TCP11L2: variants seen among roughly 807,000 people sequenced by gnomAD.
TCP11L2 encodes T-complex protein 11-like protein 2.
Under a neutral mutation model 50.7 loss-of-function variants are expected in TCP11L2, and 39 were observed. The ratio of observed to expected loss-of-function variants is 0.77; its 90% CI spans 0.60 to 1.01. The LOEUF is 1.01. Ranked by LOEUF, TCP11L2 falls within the 50% of genes least tolerant of loss-of-function variation. The pLI is 0.00. For synonymous variants in TCP11L2, 192 were observed against 219.3 expected, an observed-to-expected ratio of 0.88 and a Z score of 1.10; for missense variants, 612 against 614.7, an observed-to-expected ratio of 1.00 and a Z score of 0.05.
At chr12:106,299,207 A>G (rs2034380054), upstream of TCP11L2, among the ~76,000 whole-genome samples, 1 of 152,222 alleles carries the variant, frequency 6.6e-6, no homozygotes, top group Non-Finnish European at 1.5e-5. Flanking sequence ...CCATGAGGTC[A>G]AAGTGCAGTG....
intron 1 of TCP11L2, among the ~76,000 whole-genome samples, chr12:106,304,789 A>G (rs1297374384): frequency 1.3e-5 from 2 of 152,382 alleles, no homozygotes; most frequent in East Asian, 3.8e-4. Context: ...GACTGTAAGC[A>G]GTTAACCTTT....
intron 6 of TCP11L2, 44 bp downstream of exon 6, chr12:106,323,690 A>G (rs761267454): frequency 1.8e-6 from 2 of 1,086,550 alleles, no homozygotes; most frequent in Middle Eastern, 2.2e-4. Flanking sequence ...TTAGGTTAAA[A>G]TGATGATTTT....
chr12:106,317,613 G>A (rs2035142952), intron 3 of TCP11L2, among the ~76,000 whole-genome samples: 1 of 152,180 alleles, frequency 6.6e-6, no homozygotes, highest in African/African-American at 2.4e-5. Flanking sequence ...TAGGCACAAT[G>A]GTAAGTACCT....
intron 8 of TCP11L2, among the ~76,000 whole-genome samples, chr12:106,338,211 G>A (rs1327061643): frequency 6.6e-6 from 1 of 152,142 alleles, no homozygotes. Flanking sequence ...CACATGTACA[G>A]GTTTTTTACG....
At chr12:106,299,698 T>C (rs958146908), upstream of TCP11L2, among the ~76,000 whole-genome samples, 2 of 152,074 alleles carry the variant, frequency 1.3e-5, no homozygotes, top group East Asian at 3.8e-4. Flanking sequence ...TAGAGAGAAA[T>C]AGGGGACAAG....
At chr12:106,327,105 A>G (rs1408163276) in intron 6 of TCP11L2, among the ~76,000 whole-genome samples, 1 of 152,180 alleles carries the variant, frequency 6.6e-6, no homozygotes, top group African/African-American at 2.4e-5. Context: ...ATCTTGAGCA[A>G]ATTCTCTAAT....
chr12:106,340,349 CTA>C (rs1255196482), intron 8 of TCP11L2, among the ~76,000 whole-genome samples: 1 of 152,194 alleles, frequency 6.6e-6, no homozygotes, highest in Non-Finnish European at 1.5e-5. Flanking sequence ...GCCAAAAGTT[CTA>C]GGTATTTGAC....
chr12:106,332,329 C>T (rs921701229), intron 6 of TCP11L2, among the ~76,000 whole-genome samples: 1 of 152,200 alleles, frequency 6.6e-6, no homozygotes, highest in African/African-American at 2.4e-5. Context: ...TGTAAACTTA[C>T]ATTCACACAG....
chr12:106,298,893 C>A (rs148944859), upstream of TCP11L2, among the ~76,000 whole-genome samples: 6 of 152,002 alleles, frequency 3.9e-5, no homozygotes, highest in South Asian at 8.3e-4. Flanking sequence ...TCCTGGCTCA[C>A]TGCAACCTCT....
intron 9 of TCP11L2, among the ~76,000 whole-genome samples, chr12:106,345,965 G>A (rs2036217506): frequency 6.6e-6 from 1 of 152,178 alleles, no homozygotes; most frequent in Non-Finnish European, 1.5e-5. Context: ...CTATTCTCAT[G>A]GCGGTAGTAG....
chr12:106,340,738 T>C (rs774926034), intron 8 of TCP11L2, 88 bp from the exon 9 acceptor site: 8 of 1,136,416 alleles, frequency 7.0e-6, no homozygotes, highest in Non-Finnish European at 9.8e-6. Context: ...AGAAATTTGG[T>C]AGACATCTAA....
intron 6 of TCP11L2, among the ~76,000 whole-genome samples, chr12:106,326,575 A>G (rs745351857): frequency 6.6e-6 from 1 of 152,310 alleles, no homozygotes; most frequent in East Asian, 1.9e-4. Flanking sequence ...TTAGTAGTCT[A>G]TGCAAGCATC....
chr12:106,337,279 C>T (rs975281973), intron 8 of TCP11L2, among the ~76,000 whole-genome samples: 1 of 152,150 alleles, frequency 6.6e-6, no homozygotes, highest in Non-Finnish European at 1.5e-5. Flanking sequence ...TATTAAGAGC[C>T]AAAAGGAGCC....
chr12:106,310,219 A>G (rs998844576), intron 1 of TCP11L2, among the ~76,000 whole-genome samples: 1 of 152,156 alleles, frequency 6.6e-6, no homozygotes, highest in Non-Finnish European at 1.5e-5. Flanking sequence ...GACTGGTTTT[A>G]TCATGTAGTA....
At chr12:106,307,061 A>G (rs2136605445) in intron 1 of TCP11L2, among the ~76,000 whole-genome samples, 1 of 152,362 alleles carries the variant, frequency 6.6e-6, no homozygotes, top group Middle Eastern at 3.4e-3. Context: ...GTAGTGAAAT[A>G]CAGCACTAGC....
At chr12:106,326,952 A>G (rs1002771677) in intron 6 of TCP11L2, among the ~76,000 whole-genome samples, 1 of 152,200 alleles carries the variant, frequency 6.6e-6, no homozygotes, top group Non-Finnish European at 1.5e-5. Flanking sequence ...AGAACCCTAC[A>G]TCGAACCTGG....
intron 6 of TCP11L2, among the ~76,000 whole-genome samples, chr12:106,335,353 A>G (rs77544087): frequency 0.036 from 5,544 of 152,260 alleles, 360 homozygotes; most frequent in African/African-American, 0.12. Flanking sequence ...CCAGAATGTG[A>G]CATCTAGAAT....
At chr12:106,314,566 T>TGAGAGA (rs2034999332) in intron 3 of TCP11L2, 73 bp downstream of exon 3, 2 of 994,090 alleles carry the variant, frequency 2.0e-6, no homozygotes, top group East Asian at 2.6e-5. Context: ...TGTGTGTGTG[T>TGAGAGA]GTGTGTGTGT....
chr12:106,331,050 T>C (rs1485508661), intron 6 of TCP11L2, among the ~76,000 whole-genome samples: 4 of 152,240 alleles, frequency 2.6e-5, no homozygotes, highest in Admixed American at 6.5e-5. Context: ...ACAATCTAAC[T>C]GGACATTGTC....
Sources: allele counts gnomAD v4.1 joint callset (sites outside exome capture counted in the v4.1 genomes callset), GRCh38; gene constraint gnomAD v4.1.1; transcripts MANE v1.5; gene names NCBI Gene and HGNC (gene_info 2026-07-23, HGNC 2026-07-21).